Variants in MAGI2 observed in about 807,000 individuals in gnomAD.
The protein encoded by MAGI2 is membrane-associated guanylate kinase, WW and PDZ domain-containing protein 2.
In MAGI2, 35 loss-of-function variants were observed where a neutral mutation model predicts 133.3. The ratio of observed to expected loss-of-function variants is 0.26; its 90% CI spans 0.20 to 0.35. MAGI2 has a LOEUF of 0.35. Among genes scored for constraint, MAGI2 ranks in the 10% least tolerant of loss-of-function variants. The probability of loss-of-function intolerance (pLI) is 1.00; values close to 1 mark genes in which losing one functional copy is unlikely to be tolerated. For synonymous variants in MAGI2, 729 were observed against 710.6 expected (o/e 1.03, Z -0.41); for missense variants, 1,636 against 1,863.4 (o/e 0.88, Z 2.25).
At chr7:79,158,518 T>A (rs1015847557) in intron 1 of MAGI2, among the ~76,000 whole-genome samples, 1 of 152,102 alleles carries the variant, frequency 6.6e-6, no homozygotes, top group African/African-American at 2.4e-5. Context: ...TGGTTTTATG[T>A]ATTCCTGCAG....
At chr7:78,668,944 A>T (rs1813983648) in intron 2 of MAGI2, among the ~76,000 whole-genome samples, 1 of 152,200 alleles carries the variant, frequency 6.6e-6, no homozygotes, top group East Asian at 1.9e-4. Context: ...AATTTATAGC[A>T]CTAAATGCCC....
intron 2 of MAGI2, among the ~76,000 whole-genome samples, chr7:78,903,741 T>TGTGTGTGC (rs535086140): frequency 6.6e-6 from 1 of 152,048 alleles, no homozygotes; most frequent in Admixed American, 6.6e-5. Context: ...AGTGTGTGTG[T>TGTGTGTGC]GTGTGTGCGT....
intron 21 of MAGI2, among the ~76,000 whole-genome samples, chr7:78,063,139 C>T (rs1813450755): frequency 6.6e-6 from 1 of 152,148 alleles, no homozygotes. Context: ...GGTATATTTC[C>T]AAATACAGAT....
intron 1 of MAGI2, among the ~76,000 whole-genome samples, chr7:79,148,642 G>T (rs993862544): frequency 1.3e-5 from 2 of 151,800 alleles, no homozygotes; most frequent in Non-Finnish European, 2.9e-5. Flanking sequence ...ACTCACTCTG[G>T]CCATGGATGT....
intron 2 of MAGI2, among the ~76,000 whole-genome samples, chr7:78,825,088 G>C (rs1790499603): frequency 1.3e-5 from 2 of 152,038 alleles, no homozygotes; most frequent in African/African-American, 4.8e-5. Context: ...CAAAGGGAGG[G>C]AGAGCATTTG....
At chr7:78,942,392 A>C (rs997906380) in intron 2 of MAGI2, among the ~76,000 whole-genome samples, 1 of 152,118 alleles carries the variant, frequency 6.6e-6, no homozygotes, top group Non-Finnish European at 1.5e-5. Flanking sequence ...TCATGGTTAG[A>C]CTCAAATAAG....
intron 1 of MAGI2, among the ~76,000 whole-genome samples, chr7:79,053,619 CA>C (rs1403197023): frequency 6.6e-6 from 1 of 152,182 alleles, no homozygotes. Context: ...TATTTATAAT[CA>C]GGCTTAATAT....
intron 3 of MAGI2, among the ~76,000 whole-genome samples, chr7:78,530,790 T>C (rs1198874196): frequency 6.6e-6 from 1 of 152,172 alleles, no homozygotes; most frequent in East Asian, 1.9e-4. Flanking sequence ...CTTTCAGTCT[T>C]GCCAAGTGAC....
chr7:79,125,856 G>C, intron 1 of MAGI2: 1 of 462,448 alleles, frequency 2.2e-6, no homozygotes, highest in Admixed American at 2.3e-5. Context: ...GAAGAGGAGA[G>C]CCAGAGAGTG....
At chr7:78,086,620 T>C (rs2151204689) in intron 20 of MAGI2, among the ~76,000 whole-genome samples, 1 of 141,522 alleles carries the variant, frequency 7.1e-6, no homozygotes, top group South Asian at 2.4e-4. Context: ...CTCTGGGTGA[T>C]CACTTCCCAT....
intron 2 of MAGI2, among the ~76,000 whole-genome samples, chr7:78,780,198 T>G (rs1229617039): frequency 6.6e-6 from 1 of 152,232 alleles, no homozygotes; most frequent in African/African-American, 2.4e-5. Flanking sequence ...CCCTTGCTCA[T>G]TTTTGTAGAG....
intron 3 of MAGI2, among the ~76,000 whole-genome samples, chr7:78,625,876 T>C (rs1808287184): frequency 6.6e-6 from 1 of 152,170 alleles, no homozygotes; most frequent in South Asian, 2.1e-4. Flanking sequence ...AAATAACAGA[T>C]TACAGTACAT....
intron 2 of MAGI2, among the ~76,000 whole-genome samples, chr7:78,870,559 C>G (rs965936521): frequency 6.6e-6 from 1 of 151,962 alleles, no homozygotes; most frequent in Admixed American, 6.6e-5. Flanking sequence ...TAAATATTGG[C>G]GTGGATGTTG....
chr7:78,490,507 G>T (rs906217862), intron 5 of MAGI2, among the ~76,000 whole-genome samples: 4 of 151,982 alleles, frequency 2.6e-5, no homozygotes, highest in East Asian at 1.9e-4. Flanking sequence ...ATGTTTTCTT[G>T]TAAGAGTTTT....
intron 4 of MAGI2, chr7:78,518,387 T>G (rs1796214697): frequency 6.6e-6 from 1 of 152,186 alleles, no homozygotes; most frequent in African/African-American, 2.4e-5. Flanking sequence ...TTCCTACATA[T>G]GAACTCCAGT....
intron 1 of MAGI2, among the ~76,000 whole-genome samples, chr7:79,235,170 T>C (rs1280712716): frequency 1.1e-4 from 16 of 152,054 alleles, no homozygotes; most frequent in Non-Finnish European, 2.2e-4. Context: ...TCCAGCTGCG[T>C]GTTGGGAGAA....
At chr7:78,978,585 G>T (rs1036760795) in intron 2 of MAGI2, among the ~76,000 whole-genome samples, 3 of 151,776 alleles carry the variant, frequency 2.0e-5, no homozygotes, top group Non-Finnish European at 2.9e-5. Context: ...ATGATATGAC[G>T]CATTTGTCAA....
At chr7:78,471,006 A>G (rs577337409) in intron 6 of MAGI2, among the ~76,000 whole-genome samples, 87 of 152,284 alleles carry the variant, frequency 5.7e-4, no homozygotes, top group African/African-American at 2.0e-3. Flanking sequence ...AAGTCCACAC[A>G]TATCTTGTTC....
intron 3 of MAGI2, among the ~76,000 whole-genome samples, chr7:78,525,478 C>T (rs182291177): frequency 5.3e-5 from 8 of 152,092 alleles, no homozygotes; most frequent in South Asian, 2.1e-4. Context: ...TTTTAGGTAA[C>T]GTACCAGTAT....
Sources: gnomAD v4.1 joint callset for allele counts (sites outside exome capture counted in the v4.1 genomes callset) on GRCh38, gnomAD v4.1.1 for gene constraint, MANE v1.5 for transcripts, NCBI Gene and HGNC (gene_info 2026-07-23, HGNC 2026-07-21) for gene names.